The following HDAC7 variants were observed in gnomAD, a reference collection of about 807,000 sequenced individuals.
HDAC7 encodes the protein histone deacetylase 7A.
A neutral mutation model predicts 115.5 loss-of-function variants in HDAC7; 26 were observed. The observed-to-expected ratio is 0.23, with a 90% CI of 0.16 to 0.31. The LOEUF is 0.31. Among genes scored for constraint, HDAC7 ranks in the 10% least tolerant of loss-of-function variants. The pLI is 1.00. For missense variants in HDAC7, 1,068 were observed against 1,329.0 expected, an observed-to-expected ratio of 0.80 and a Z score of 3.05; for synonymous variants, 564 against 550.9, an observed-to-expected ratio of 1.02 and a Z score of -0.33.
chr12:47,819,742 CGG>C, intron 1 of HDAC7, 23 bp downstream of exon 1: 1 of 768,840 alleles, frequency 1.3e-6, no homozygotes, highest in Non-Finnish European at 1.6e-6. Context: ...CAGGGCGGGG[CGG>C]GGGGCGGCCG....
intron 1 of HDAC7, among the ~76,000 whole-genome samples, chr12:47,810,822 C>A (rs12372408): frequency 2.1e-5 from 2 of 97,372 alleles, no homozygotes; most frequent in Admixed American, 9.2e-5. Flanking sequence ...CTCTCTCTCT[C>A]TCTCTCTCTC....
intron 16 of HDAC7, chr12:47,790,464 C>T (rs1159886993): frequency 6.4e-6 from 1 of 157,212 alleles, no homozygotes; most frequent in Non-Finnish European, 1.4e-5. Flanking sequence ...TCGCAAGAGG[C>T]TGGAGAAAGA....
At position 47,791,600 on chromosome 12, in the gene HDAC7, T is replaced by G. The variant is rs750665706; in HGVS notation, c.1919A>C (p.Asn640Thr). 6.2e-6 allele frequency: 10 copies of G among 1,609,690 alleles called. No individual in the cohort carries two copies. The highest frequency in any genetic ancestry group is 1.7e-4 in the Middle Eastern group (1 of 6,046). Residue 640 changes from asparagine to threonine, a missense_variant, in exon 15 of 26, where the codon AAC becomes ACC. By Grantham distance (65) the Asn-to-Thr change is moderately conservative. Around this residue, in one of 6 missense-constraint regions of HDAC7, gnomAD observed 618 missense variants for 701.5 expected, o/e 0.88. Coordinates refer to ENST00000080059, the MANE Select transcript of HDAC7 (RefSeq NM_015401.5). ...TAGGCCATTACCTGCCAGCTTCCCG[T>G]TGTCCAGTTTGAGGCGGCTGAGCGG... ...TNPLSRLKLD[N>T]GKLAGLLAQR...
At chr12:47,818,855 A>C (rs1447441387) in intron 1 of HDAC7, among the ~76,000 whole-genome samples, 2 of 152,106 alleles carry the variant, frequency 1.3e-5, no homozygotes, top group African/African-American at 4.8e-5. Context: ...GGGAGGTCAG[A>C]CCCAAACGGG....
chr12:47,804,177 A>G (rs1047847561), intron 1 of HDAC7, among the ~76,000 whole-genome samples: 2 of 152,210 alleles, frequency 1.3e-5, no homozygotes, highest in Non-Finnish European at 2.9e-5. Flanking sequence ...GTGATAATCC[A>G]TAATATAAGG....
intron 1 of HDAC7, among the ~76,000 whole-genome samples, chr12:47,810,370 C>T (rs1438996842): frequency 6.6e-6 from 1 of 152,154 alleles, no homozygotes. Context: ...AGCTTAGCAT[C>T]GGTACACTGG....
intron 2 of HDAC7, among the ~76,000 whole-genome samples, chr12:47,799,927 C>A (rs1944082717): frequency 6.6e-6 from 1 of 152,128 alleles, no homozygotes. Flanking sequence ...TGGGAGGGCA[C>A]ACAAGTGGAG....
Position 47,784,557 on chromosome 12 carries a change from C to T in HDAC7, c.2792-340G>A. 6.1e-6 allele frequency: 4 copies of T among 652,736 alleles called. No individual in the cohort carries two copies. The South Asian group carries it at 7.9e-5, about 13-fold the overall frequency. The allele number at this position is 652,736 out of a possible 1,614,324, so 40.4% of individuals were successfully genotyped here. A position where few individuals can be genotyped will look rare whatever the true frequency, so the allele number is the denominator to read the frequency against. On this transcript the variant is annotated intron_variant, in intron 24 of 25. Transcript: ENST00000080059. ...TCAGGAGAGCCTGCTTGCCTGCAGACAGGGTCTGTGTCACAGTGACCTCCC... is the reference window on the plus strand; with the variant it reads ...TCAGGAGAGCCTGCTTGCCTGCAGATAGGGTCTGTGTCACAGTGACCTCCC...
rs373121556 is a variant in HDAC7, at chr12:47,797,855, G to GGTGTGTGTGTGTGT, written c.461+239_461+252dup. ...TCATGTGCAAGAAAAAAGCCAGTAG[G>GGTGTGTGTGTGTGT]GTGTGTGTGTGTGTGTGTGTGTGTG... On this transcript the variant is annotated intron_variant, in intron 5 of 25. Transcript: ENST00000080059. This position sits in a 1 kb window ranked among gnomAD's most constrained non-coding sequence, Gnocchi z 5.5. Among the ~76,000 whole-genome samples the GGTGTGTGTGTGTGT allele has an allele frequency of 0.052, 6,488 of 123,712 alleles. 244 individuals are homozygous for GGTGTGTGTGTGTGT. Among genetic ancestry groups the GGTGTGTGTGTGTGT allele is most frequent in the Non-Finnish European group, 0.068 (4,049 of 59,890 alleles). 81.2% of individuals were successfully genotyped at this position (123,712 alleles called of 152,430 possible). A position where few individuals can be genotyped will look rare whatever the true frequency, so the allele number is the denominator to read the frequency against.
rs74486123 is a variant in HDAC7 at position 47,817,020 on chromosome 12, C to T, written c.19+2747G>A. On this transcript the variant is annotated intron_variant, in intron 1 of 25. Transcript: ENST00000080059. ...TGGGGACTCCTCCTAATACTCAGGC[C>T]TCTAAGGAAAGGGCTGTCTGGGGGC... Among the ~76,000 whole-genome samples the T allele has an allele frequency of 2.9e-3, 435 of 152,336 alleles. 3 individuals are homozygous for T. Among genetic ancestry groups the T allele is most frequent in the African/African-American group, 0.01 (426 of 41,576 alleles).
chr12:47,789,223 G>A, intron 19 of HDAC7, 38 bp downstream of exon 19: 1 of 1,486,610 alleles, frequency 6.7e-7, no homozygotes, highest in Non-Finnish European at 9.4e-7. Context: ...TTTCCCCCAG[G>A]GCTCTCGAAT....
rs891757864 is a variant in HDAC7, at chr12:47,798,360, C to G, written c.350-141G>C. 1.3e-6 allele frequency: 1 copy of G among 799,336 alleles called. No homozygotes were observed. The highest frequency in any genetic ancestry group is 2.1e-6 in the Non-Finnish European group (1 of 482,038). 49.5% of individuals were successfully genotyped at this position (799,336 alleles called of 1,614,324 possible). ...GCAAGAGCCAAGCCCGAGGCCCTAC[C>G]CCTCCCTAGAGCCTCCAGACACCAC... On this transcript the variant is annotated intron_variant, in intron 4 of 25. Transcript: ENST00000080059. The surrounding 1 kb of genome is among the most constrained non-coding windows in gnomAD (Gnocchi z 4.3).
rs1013662015 is a variant in HDAC7, at chr12:47,793,320, C to T, written c.1678+49G>A. 7 of 1,338,644 alleles carry T rather than the reference C, an allele frequency of 5.2e-6. No homozygotes were observed. The highest frequency in any genetic ancestry group is 2.5e-5 in the East Asian group (1 of 39,496). The allele number at this position is 1,338,644 out of a possible 1,614,324, so 82.9% of individuals were successfully genotyped here. A position where few individuals can be genotyped will look rare whatever the true frequency, so the allele number is the denominator to read the frequency against. On this transcript the variant is annotated intron_variant, in intron 13 of 25. Coordinates refer to ENST00000080059, the MANE Select transcript of HDAC7 (RefSeq NM_015401.5). The surrounding 1 kb of genome is among the most constrained non-coding windows in gnomAD (Gnocchi z 4.5). Reference sequence around the variant, plus strand: ...TGACACCAAGACACCCACATGGACTCGTGCAGCCGAGCCCCTCCCTCCACC... The same window carrying T: ...TGACACCAAGACACCCACATGGACTTGTGCAGCCGAGCCCCTCCCTCCACC...
intron 14 of HDAC7, 54 bp downstream of exon 14, chr12:47,791,817 C>CCCCCCAAAAAACA: frequency 6.4e-7 from 1 of 1,571,728 alleles, no homozygotes; most frequent in Non-Finnish European, 8.7e-7. Flanking sequence ...CACCCCTCCC[C>CCCCCCAAAAAACA]TCCCATGACT....
chr12:47,792,696 A>AT (rs1372142556), intron 13 of HDAC7: 1 of 455,820 alleles, frequency 2.2e-6, no homozygotes, highest in Non-Finnish European at 4.4e-6. Flanking sequence ...AAGCATGAGG[A>AT]AAGATTTATG....
chr12:47,789,565 A>G lies in HDAC7; in HGVS notation c.2105T>C (p.Val702Ala). ...TGCATGGTGTCCTGGGGGCCGCACC[A>G]CAGCGAAACCATTCTGGAAAAAGAA... The part of the protein sequence containing the change: ...ASRELKNGFA[V>A]VRPPGHHADH... Residue 702 changes from valine (V) to alanine (A), a missense_variant, in exon 18 of 26, where the codon GTG becomes GCG. By Grantham distance (64) the Val-to-Ala change is moderately conservative (BLOSUM62 0). This residue lies in a region of HDAC7 where 182 missense variants were observed against 301.1 expected (regional missense o/e 0.60). Coordinates refer to ENST00000080059, the MANE Select transcript of HDAC7 (RefSeq NM_015401.5). 1 of 1,614,194 alleles carries G rather than the reference A, an allele frequency of 6.2e-7. No homozygotes were observed. Among genetic ancestry groups the G allele is most frequent in the Non-Finnish European group, 8.5e-7 (1 of 1,180,026 alleles).
intron 1 of HDAC7, among the ~76,000 whole-genome samples, chr12:47,813,931 T>C (rs911174167): frequency 1.3e-5 from 2 of 152,176 alleles, no homozygotes; most frequent in East Asian, 3.9e-4. Context: ...GAGAAGAGGT[T>C]GGAGGTGAGA....
Position 47,795,043 on chromosome 12 carries a change from A to G in HDAC7, c.1285-110T>C, listed in dbSNP as rs929913101. On this transcript the variant is annotated intron_variant, in intron 11 of 25. Coordinates refer to ENST00000080059, the MANE Select transcript of HDAC7 (RefSeq NM_015401.5). This position sits in a 1 kb window ranked among gnomAD's most constrained non-coding sequence, Gnocchi z 4.3. The stretch of plus-strand genomic sequence containing the variant: ...TCATCTTGCTAGGACTCCAGCTGCC[A>G]TGCAGCTCTGGGCCCCAAGAAGCCA... 2.6e-5 allele frequency: 34 copies of G among 1,331,974 alleles called. No homozygotes were observed. In the Middle Eastern group the frequency reaches 9.8e-4, roughly 38 times the overall value. The allele number at this position is 1,331,974 out of a possible 1,614,324, so 82.5% of individuals were successfully genotyped here.
Position 47,797,292 on chromosome 12 carries a change from CCCAGCCCG to C in HDAC7, c.577+84_577+91del. 1 of 917,986 alleles carries C rather than the reference CCCAGCCCG, an allele frequency of 1.1e-6. No individual in the cohort carries two copies. The highest frequency in any genetic ancestry group is 1.6e-6 in the Non-Finnish European group (1 of 607,272). 56.9% of individuals were successfully genotyped at this position (917,986 alleles called of 1,614,324 possible). A position where few individuals can be genotyped will look rare whatever the true frequency, so the allele number is the denominator to read the frequency against. ...GCCTACCGATGATCTCCTGGCCCAG[CCCAGCCCG>C]CCCACCCCTGCACACTCCTCCCCCA... On this transcript the variant is annotated intron_variant, in intron 6 of 25. Coordinates refer to ENST00000080059, the MANE Select transcript of HDAC7 (RefSeq NM_015401.5). This position sits in a 1 kb window ranked among gnomAD's most constrained non-coding sequence, Gnocchi z 5.5.
Sources: allele counts gnomAD v4.1 joint callset (sites outside exome capture counted in the v4.1 genomes callset), GRCh38; gene constraint gnomAD v4.1.1; regional missense constraint gnomAD v4.1.1; non-coding constraint Gnocchi (gnomAD v3.1); transcripts MANE v1.5; gene names NCBI Gene and HGNC (gene_info 2026-07-23, HGNC 2026-07-21).